Variants in RBMS3 observed in about 807,000 individuals in gnomAD.
The protein encoded by RBMS3 is RNA binding motif single stranded interacting protein 3.
Under a neutral mutation model 66.8 loss-of-function variants are expected in RBMS3, and 27 were observed. The observed-to-expected ratio is 0.40, with a 90% CI of 0.30 to 0.56. The LOEUF (loss-of-function observed/expected upper bound fraction) is 0.56, where lower values mean the gene tolerates loss of function less well. Ranked by LOEUF, RBMS3 falls within the 20% of genes least tolerant of loss-of-function variation. RBMS3 has a pLI of 0.40. For missense variants in RBMS3, 513 were observed against 549.5 expected, an observed-to-expected ratio of 0.93 and a Z score of 0.66; for synonymous variants, 188 against 183.0, an observed-to-expected ratio of 1.03 and a Z score of -0.22.
chr3:29,335,523 C>A lies in RBMS3; in HGVS notation c.75+53767C>A, dbSNP rs117812123. On this transcript the variant is annotated intron_variant, in intron 1 of 14. Coordinates refer to ENST00000383767, the MANE Select transcript of RBMS3 (RefSeq NM_001003793.3). ...GGAAAGAAATTGCTACAAATACATA[C>A]ACAGCAAATGTGCTTAAAGCAGCTC... 2.6e-5 allele frequency among the ~76,000 whole-genome samples: 4 copies of A among 152,316 alleles called. No individual in the cohort carries two copies. The East Asian group carries it at 5.8e-4, about 22-fold the overall frequency.
At chr3:29,955,086 A>G (rs1450985371) in intron 12 of RBMS3, among the ~76,000 whole-genome samples, 1 of 151,952 alleles carries the variant, frequency 6.6e-6, no homozygotes, top group Non-Finnish European at 1.5e-5. Context: ...GCTTATGGAG[A>G]TTGTTCTACA....
rs920493815 is a variant in RBMS3 at position 30,009,142 on chromosome 3, G to A, written c.*5280G>A. ...CTGCAGGAAGAACCACTAGGCCACT[G>A]AGTCATACTTGAGCTTTTCTTACTA... On this transcript the variant is annotated 3_prime_UTR_variant, in exon 15 of 15. Transcript: ENST00000383767. 2.0e-5 allele frequency: 3 copies of A among 152,126 alleles called. No individual in the cohort carries two copies. The highest frequency in any genetic ancestry group is 4.4e-5 in the Non-Finnish European group (3 of 68,000). 9.4% of individuals were successfully genotyped at this position (152,126 alleles called of 1,614,324 possible).
intron 4 of RBMS3, 95 bp downstream of exon 4, chr3:29,587,300 GAGGA>G: frequency 1.4e-6 from 1 of 700,300 alleles, no homozygotes; most frequent in Non-Finnish European, 2.1e-6. Flanking sequence ...GAGAGATCAG[GAGGA>G]AGGAAGAAGG....
chr3:29,441,744 A>AT (rs543869459), intron 2 of RBMS3, among the ~76,000 whole-genome samples: 67 of 152,262 alleles, frequency 4.4e-4, no homozygotes, highest in African/African-American at 1.3e-3. Flanking sequence ...GGATTTTGGG[A>AT]TTTTTTAAAG....
At chr3:29,688,819 G>T (rs947775926) in intron 4 of RBMS3, among the ~76,000 whole-genome samples, 1 of 151,942 alleles carries the variant, frequency 6.6e-6, no homozygotes, top group African/African-American at 2.4e-5. Flanking sequence ...CTGACCTCGT[G>T]ATCCACTCAC....
intron 1 of RBMS3, among the ~76,000 whole-genome samples, chr3:29,340,023 C>T (rs1250144451): frequency 6.6e-6 from 1 of 152,084 alleles, no homozygotes; most frequent in Non-Finnish European, 1.5e-5. Context: ...CAAACATTGC[C>T]TTGCATTTTT....
intron 5 of RBMS3, among the ~76,000 whole-genome samples, chr3:29,741,656 G>A (rs2054653874): frequency 6.6e-6 from 1 of 152,214 alleles, no homozygotes; most frequent in African/African-American, 2.4e-5. Flanking sequence ...AACAAAGGAT[G>A]TGTTCGTACA....
intron 6 of RBMS3, among the ~76,000 whole-genome samples, chr3:29,817,192 CT>C (rs373365962): frequency 0.052 from 6,652 of 127,112 alleles, 338 homozygotes; most frequent in Admixed American, 0.098. Flanking sequence ...ATTTTCTTTT[CT>C]TTTTTTTTTT....
intron 1 of RBMS3, among the ~76,000 whole-genome samples, chr3:29,296,767 A>G (rs923231386): frequency 1.3e-5 from 2 of 151,724 alleles, no homozygotes; most frequent in Non-Finnish European, 2.9e-5. Context: ...AATCCTCTTT[A>G]CATAGTCATA....
chr3:29,626,753 A>G (rs1051586206), intron 4 of RBMS3, among the ~76,000 whole-genome samples: 12 of 152,192 alleles, frequency 7.9e-5, no homozygotes, highest in African/African-American at 2.4e-4. Context: ...AATATAGTAA[A>G]TAGAACAAGG....
chr3:29,505,964 T>C (rs574039922), intron 3 of RBMS3, among the ~76,000 whole-genome samples: 1 of 152,080 alleles, frequency 6.6e-6, no homozygotes, highest in East Asian at 1.9e-4. Flanking sequence ...TTAGTTCCAA[T>C]AGTTTTTTGG....
At chr3:29,913,083 A>G (rs554525802) in intron 10 of RBMS3, among the ~76,000 whole-genome samples, 2 of 152,084 alleles carry the variant, frequency 1.3e-5, no homozygotes, top group South Asian at 4.1e-4. Flanking sequence ...GGTGGCTCAT[A>G]AAGTACTCAT....
intron 7 of RBMS3, among the ~76,000 whole-genome samples, chr3:29,882,937 A>G (rs1387011510): frequency 1.3e-5 from 2 of 152,088 alleles, no homozygotes; most frequent in Admixed American, 6.6e-5. Flanking sequence ...AAATAAATGT[A>G]CAGTGATGTC....
chr3:29,496,214 GA>G (rs1215803111), intron 3 of RBMS3, among the ~76,000 whole-genome samples: 70 of 128,930 alleles, frequency 5.4e-4, no homozygotes, highest in Middle Eastern at 4.3e-3. Flanking sequence ...AAAAAAAAAA[GA>G]AAAAAAGAAA....
chr3:29,635,208 C>T (rs755820281), intron 4 of RBMS3, among the ~76,000 whole-genome samples: 1 of 151,802 alleles, frequency 6.6e-6, no homozygotes, highest in African/African-American at 2.4e-5. Flanking sequence ...TTCTCTCATT[C>T]CAGTCTTTTA....
At chr3:29,746,802 A>G (rs1261682653) in intron 5 of RBMS3, among the ~76,000 whole-genome samples, 2 of 152,252 alleles carry the variant, frequency 1.3e-5, no homozygotes, top group African/African-American at 2.4e-5. Context: ...TGTTGTATAT[A>G]TGCCTTTATA....
chr3:29,951,629 G>A (rs1695687322), intron 12 of RBMS3, among the ~76,000 whole-genome samples: 1 of 151,670 alleles, frequency 6.6e-6, no homozygotes, highest in South Asian at 2.1e-4. Flanking sequence ...AGGAAAGTGT[G>A]TTAGGACTTT....
chr3:29,340,817 G>A (rs1007939645), intron 1 of RBMS3, among the ~76,000 whole-genome samples: 4 of 152,060 alleles, frequency 2.6e-5, no homozygotes, highest in African/African-American at 7.2e-5. Flanking sequence ...AGAAATGGTA[G>A]CAAATAAAGT....
At chr3:29,990,514 G>A (rs1698782944) in intron 13 of RBMS3, among the ~76,000 whole-genome samples, 1 of 147,262 alleles carries the variant, frequency 6.8e-6, no homozygotes, top group Admixed American at 6.7e-5. Context: ...CCAAAATTAA[G>A]GACAAGTTTT....
Sources: gnomAD v4.1 joint callset for allele counts (sites outside exome capture counted in the v4.1 genomes callset) on GRCh38, gnomAD v4.1.1 for gene constraint, MANE v1.5 for transcripts, NCBI Gene and HGNC (gene_info 2026-07-23, HGNC 2026-07-21) for gene names.